Variants in GPM6B observed in about 807,000 individuals in gnomAD.
The protein encoded by GPM6B is neuronal membrane glycoprotein M6-b.
Under a neutral mutation model 27.2 loss-of-function variants are expected in GPM6B, and 4 were observed. The ratio of observed to expected loss-of-function variants is 0.15; its 90% CI spans 0.07 to 0.34. The LOEUF (loss-of-function observed/expected upper bound fraction) is 0.34, where lower values mean the gene tolerates loss of function less well. Ranked by LOEUF, GPM6B falls within the 10% of genes least tolerant of loss-of-function variation. The pLI is 1.00. For synonymous variants in GPM6B, 124 were observed against 103.1 expected (o/e 1.20, Z -1.23); for missense variants, 183 against 261.9 (o/e 0.70, Z 2.08).
In GPM6B at chrX:13,790,250, G is replaced by A. The variant is rs188581206; in HGVS notation, c.182-4442C>T. 8.0e-5 allele frequency among the ~76,000 whole-genome samples: 9 copies of A among 112,247 alleles called. No homozygotes were observed. The East Asian group carries it at 2.2e-3, about 28-fold the overall frequency. On this transcript the variant is annotated intron_variant, in intron 2 of 7. Transcript: ENST00000316715. ...ATATATGGATCTGTAGCTGAGAAGA[G>A]CTGAACTTGGATGCTGGCAGCTTCT...
chrX:13,844,802 A>G (rs2049624059), intron 1 of GPM6B, among the ~76,000 whole-genome samples: 1 of 111,657 alleles, frequency 9.0e-6, no homozygotes, highest in Non-Finnish European at 1.9e-5. Flanking sequence ...TGAGCTATCT[A>G]TGGCTTAGAG....
At chrX:13,874,840 C>G in intron 1 of GPM6B, among the ~76,000 whole-genome samples, 1 of 111,712 alleles carries the variant, frequency 9.0e-6, no homozygotes, top group Non-Finnish European at 1.9e-5. Flanking sequence ...CTCACATGGT[C>G]GTTGTGAAGA....
At chrX:13,807,042 C>T (rs181399281) in intron 2 of GPM6B, among the ~76,000 whole-genome samples, 13 of 112,060 alleles carry the variant, frequency 1.2e-4, no homozygotes, top group African/African-American at 3.6e-4. Context: ...CAGCACCTAG[C>T]GGTTCTGAAT....
intron 1 of GPM6B, among the ~76,000 whole-genome samples, chrX:13,876,657 C>A (rs1408184756): frequency 9.0e-6 from 1 of 111,145 alleles, no homozygotes; most frequent in Non-Finnish European, 1.9e-5. Flanking sequence ...GTGAAGATGG[C>A]TGACTGCTGA....
At chrX:13,856,694 T>TA (rs1385668990) in intron 1 of GPM6B, among the ~76,000 whole-genome samples, 2 of 94,351 alleles carry the variant, frequency 2.1e-5, no homozygotes, top group African/African-American at 7.3e-5. Context: ...GCACCTTTAT[T>TA]TTTTTTTTTA....
intron 1 of GPM6B, among the ~76,000 whole-genome samples, chrX:13,919,689 T>C (rs1026392457): frequency 1.3e-4 from 15 of 112,266 alleles, no homozygotes; most frequent in South Asian, 3.7e-4. Flanking sequence ...ATTTATGAAA[T>C]ATAAATTAAA....
Position 13,807,764 on chromosome X carries a change from T to C in GPM6B, c.67A>G (p.Ser23Gly). Reference protein sequence around the residue: ...TEQSQERKVNSRAEMEIGRYH... With the variant: ...TEQSQERKVNGRAEMEIGRYH... ...CTGCCAATTTCCATTTCAGCTCTGCTGTTCACTGCCAATTTCAGGTGGCAA... is the reference window on the plus strand; with the variant it reads ...CTGCCAATTTCCATTTCAGCTCTGCCGTTCACTGCCAATTTCAGGTGGCAA... The change falls in exon 2 of 8, where the codon AGC becomes GGC. Residue 23 changes from serine to glycine, a missense_variant. By Grantham distance (56) the Ser-to-Gly change is moderately conservative. Transcript: ENST00000316715. 8.3e-7 allele frequency: 1 copy of C among 1,199,536 alleles called. No homozygotes were observed. Among genetic ancestry groups the C allele is most frequent in the African/African-American group, 1.7e-5 (1 of 57,624 alleles).
At chrX:13,884,017 A>C (rs2050110605) in intron 1 of GPM6B, among the ~76,000 whole-genome samples, 1 of 111,000 alleles carries the variant, frequency 9.0e-6, no homozygotes, top group South Asian at 3.8e-4. Context: ...CTCTACTAAA[A>C]AGTACAAAAA....
At chrX:13,925,477 C>T (rs866511976) in intron 1 of GPM6B, among the ~76,000 whole-genome samples, 91 of 101,444 alleles carry the variant, frequency 9.0e-4, no homozygotes, top group Non-Finnish European at 1.7e-3. Context: ...CAGGCAGGCA[C>T]CACCATGTCT....
Position 13,779,882 on chromosome X carries a change from G to A in GPM6B, c.633C>T (p.Ile211=), listed in dbSNP as rs1240728792. Residue 211 remains isoleucine, a synonymous_variant, in exon 5 of 8, where the codon ATC becomes ATT. Transcript: ENST00000316715. The part of the protein sequence containing the change: ...FYNIWSTCEV[I]KSPQTNGTTG... ...TGGTCCCGTTGGTCTGCGGTGACTT[G>A]ATGACTTCACAAGTTGACCATATGT... 2 of 1,202,458 alleles carry A rather than the reference G, an allele frequency of 1.7e-6. No individual in the cohort carries two copies. The highest frequency in any genetic ancestry group is 2.2e-5 in the Admixed American group (1 of 45,971).
intron 1 of GPM6B, among the ~76,000 whole-genome samples, chrX:13,816,093 G>T (rs2049229551): frequency 8.9e-6 from 1 of 112,130 alleles, no homozygotes; most frequent in African/African-American, 3.2e-5. Context: ...TTAGAAAAAA[G>T]AGATTAATTT....
At chrX:13,782,000 A>G (rs1370907548) in intron 4 of GPM6B, among the ~76,000 whole-genome samples, 1 of 111,739 alleles carries the variant, frequency 8.9e-6, no homozygotes, top group African/African-American at 3.3e-5. Context: ...TCCACCTCAC[A>G]TGACTTTCTG....
chrX:13,781,687 C>A (rs935077105), intron 4 of GPM6B, among the ~76,000 whole-genome samples: 2 of 111,615 alleles, frequency 1.8e-5, no homozygotes, highest in Non-Finnish European at 3.8e-5. Flanking sequence ...AAGCCCCCTC[C>A]CTGCTTCGAG....
intron 1 of GPM6B, among the ~76,000 whole-genome samples, chrX:13,867,312 G>A (rs1317472675): frequency 9.0e-6 from 1 of 110,931 alleles, no homozygotes; most frequent in African/African-American, 3.3e-5. Context: ...GTTTTGCCAC[G>A]TTGCCCCAGC....
intron 2 of GPM6B, among the ~76,000 whole-genome samples, chrX:13,805,564 C>T (rs1265191007): frequency 8.9e-6 from 1 of 112,121 alleles, no homozygotes; most frequent in African/African-American, 3.2e-5. Flanking sequence ...AATGGAGCCT[C>T]GTATTTTTCT....
chrX:13,895,792 G>C (rs1206593780), intron 1 of GPM6B, among the ~76,000 whole-genome samples: 1 of 109,813 alleles, frequency 9.1e-6, no homozygotes, highest in Admixed American at 9.8e-5. Context: ...TCTTGGGGCA[G>C]AAACAGTAGG....
intron 1 of GPM6B, among the ~76,000 whole-genome samples, chrX:13,929,714 T>C (rs1419125517): frequency 4.5e-5 from 5 of 111,567 alleles, no homozygotes; most frequent in African/African-American, 1.6e-4. Flanking sequence ...TGTTACAACA[T>C]GTAGTATGTA....
chrX:13,774,203 C>T (rs2048361536), intron 7 of GPM6B: 2 of 761,474 alleles, frequency 2.6e-6, no homozygotes, highest in African/African-American at 4.6e-5. Context: ...ATCAGGCAAT[C>T]AAAAATAACA....
chrX:13,779,524 A>G (rs2048476028), intron 5 of GPM6B, among the ~76,000 whole-genome samples: 1 of 111,991 alleles, frequency 8.9e-6, no homozygotes, highest in Admixed American at 9.5e-5. Context: ...GGAGATCCAG[A>G]AGTCTTTTTT....
Sources: gnomAD v4.1 joint callset for allele counts (sites outside exome capture counted in the v4.1 genomes callset) on GRCh38, gnomAD v4.1.1 for gene constraint, MANE v1.5 for transcripts, NCBI Gene and HGNC (gene_info 2026-07-23, HGNC 2026-07-21) for gene names.